Variants in TNPO2 observed in about 807,000 individuals in gnomAD.
TNPO2 encodes transportin-2.
A neutral mutation model predicts 111.1 loss-of-function variants in TNPO2; 16 were observed. The ratio of observed to expected loss-of-function variants is 0.14; its 90% confidence interval spans 0.10 to 0.22. The LOEUF is 0.22. Ranked by LOEUF, TNPO2 falls within the 10% of genes least tolerant of loss-of-function variation. TNPO2 has a pLI of 1.00. For synonymous variants in TNPO2, 481 were observed against 475.8 expected (o/e 1.01, Z -0.14); for missense variants, 530 against 1,173.7 (o/e 0.45, Z 8.01).
In TNPO2 at chr19:12,715,512, G is replaced by A. The variant is rs977071478; in HGVS notation, c.459C>T (p.Ile153=). 1 of 1,613,826 alleles carries A rather than the reference G, an allele frequency of 6.2e-7. No individual in the cohort carries two copies. Among genetic ancestry groups the A allele is most frequent in the African/African-American group, 1.3e-5 (1 of 74,900 alleles). The change falls in exon 7 of 26, where the codon ATC becomes ATT. Residue 153 remains isoleucine, a synonymous_variant. Transcript: ENST00000425528. The surrounding 1 kb of genome is among the most constrained non-coding windows in gnomAD (Gnocchi z 7.1). The stretch of plus-strand genomic sequence containing the variant: ...CCAGAAGCTCTGATGAGTCTTCACA[G>A]ATCTTCTGCAGGGCTCCAAAGGCTC... ...CEGAFGALQK[I]CEDSSELLDS... is the part of the protein sequence containing the mutation.
At chr19:12,713,904 C>A (rs2026213790) in intron 10 of TNPO2, among the ~76,000 whole-genome samples, 1 of 151,948 alleles carries the variant, frequency 6.6e-6, no homozygotes, top group African/African-American at 2.4e-5. Flanking sequence ...GTGGGATGTG[C>A]CTGTAATCCC....
chr19:12,704,246 G>C (rs753753930), intron 18 of TNPO2, among the ~76,000 whole-genome samples: 7 of 152,152 alleles, frequency 4.6e-5, no homozygotes, highest in Non-Finnish European at 8.8e-5. Context: ...GGACACGCCT[G>C]TAGTCCCAGC....
In TNPO2 at chr19:12,715,202, C is replaced by T. The variant is rs1203588047; in HGVS notation, c.649-33G>A. The T allele has an allele frequency of 1.2e-6, 2 of 1,613,766 alleles. No homozygotes were observed. The highest frequency in any genetic ancestry group is 4.5e-5 in the East Asian group (2 of 44,880). On this transcript the variant is annotated intron_variant, in intron 8 of 25. Coordinates refer to ENST00000425528, the MANE Select transcript of TNPO2 (RefSeq NM_001382241.1). This position sits in a 1 kb window ranked among gnomAD's most constrained non-coding sequence, Gnocchi z 7.1. The stretch of plus-strand genomic sequence containing the variant: ...GAGGAACAGGGTCAGTTGTAGGGGC[C>T]CTCAGTCCTCGCCCTGCCCACCCCC...
In TNPO2 at chr19:12,703,703, G is replaced by T. The variant is rs749625985; in HGVS notation, c.2110+11C>A. Reference sequence around the variant, plus strand: ...TGGGGTCATGGGTTAGGGACAAGGCGAGTGTCGTACCGATACAGGGCTTGA... The same window carrying T: ...TGGGGTCATGGGTTAGGGACAAGGCTAGTGTCGTACCGATACAGGGCTTGA... On this transcript the variant is annotated intron_variant, in intron 19 of 25. Coordinates refer to ENST00000425528, the MANE Select transcript of TNPO2 (RefSeq NM_001382241.1). 1.9e-6 allele frequency: 3 copies of T among 1,606,492 alleles called. No homozygotes were observed. The highest frequency in any genetic ancestry group is 2.6e-6 in the Non-Finnish European group (3 of 1,176,346).
In TNPO2 at chr19:12,705,831, C is replaced by T. The variant is rs1268247933; in HGVS notation, c.1669-63G>A. On this transcript the variant is annotated intron_variant, in intron 15 of 25. Coordinates refer to ENST00000425528, the MANE Select transcript of TNPO2 (RefSeq NM_001382241.1). The surrounding 1 kb of genome is among the most constrained non-coding windows in gnomAD (Gnocchi z 7.2). ...GGGTGGCAGACTGTGACTCAGGTAC[C>T]TGTTGCCCGAGTGATGAGGCCTGAG... 11 of 1,239,040 alleles carry T rather than the reference C, an allele frequency of 8.9e-6. No individual in the cohort carries two copies. The highest frequency in any genetic ancestry group is 1.2e-5 in the Non-Finnish European group (11 of 908,424). The allele number at this position is 1,239,040 out of a possible 1,614,324, so 76.8% of individuals were successfully genotyped here.
chr19:12,704,388 G>A (rs1288813453), intron 18 of TNPO2, among the ~76,000 whole-genome samples: 2 of 151,730 alleles, frequency 1.3e-5, no homozygotes, highest in Non-Finnish European at 2.9e-5. Context: ...GTGGGGGGCG[G>A]TGGGGGGGGC....
In TNPO2 at chr19:12,702,798, G is replaced by A. The variant is rs759806682; in HGVS notation, c.2305+25C>T. ...CCTCCAGAAGGCAGGCAGGGGTGCA[G>A]GCAGCAGCCGGGCCAGGTGCCCACC... On this transcript the variant is annotated intron_variant, in intron 21 of 25. Coordinates refer to ENST00000425528, the MANE Select transcript of TNPO2 (RefSeq NM_001382241.1). This position sits in a 1 kb window ranked among gnomAD's most constrained non-coding sequence, Gnocchi z 5.5. 21 of 1,607,828 alleles carry A rather than the reference G, an allele frequency of 1.3e-5. No individual in the cohort carries two copies. Among genetic ancestry groups the A allele is most frequent in the Non-Finnish European group, 1.7e-5 (20 of 1,174,582 alleles).
At chr19:12,720,758 C>A in intron 3 of TNPO2, 121 bp downstream of exon 3, 1 of 1,258,210 alleles carries the variant, frequency 7.9e-7, no homozygotes. Flanking sequence ...CAGGGCAGAT[C>A]CTCCGCACAG....
In TNPO2 at chr19:12,721,282, G is replaced by C. The variant is rs977985028; in HGVS notation, c.-13-292C>G. On this transcript the variant is annotated intron_variant, in intron 2 of 25. Coordinates refer to ENST00000425528, the MANE Select transcript of TNPO2 (RefSeq NM_001382241.1). The surrounding 1 kb of genome is among the most constrained non-coding windows in gnomAD (Gnocchi z 4.9). ...ACCCAGCGAAGAGCCCTCGTCCCAG[G>C]GTGGCCCATGCCGCTGACCCCGGCT... 127 of 1,296,370 alleles carry C rather than the reference G, an allele frequency of 9.8e-5. No homozygotes were observed. Among genetic ancestry groups the C allele is most frequent in the Non-Finnish European group, 1.2e-4 (123 of 1,012,200 alleles). 80.3% of individuals were successfully genotyped at this position (1,296,370 alleles called of 1,614,324 possible).
chr19:12,707,246 C>A (rs1472820039), intron 13 of TNPO2, among the ~76,000 whole-genome samples: 2 of 152,210 alleles, frequency 1.3e-5, no homozygotes, highest in South Asian at 4.1e-4. Flanking sequence ...ATCCACCCGC[C>A]CTGGCCTCCC....
Position 12,715,878 on chromosome 19 carries a change from T to C in TNPO2, c.326-139A>G. On this transcript the variant is annotated intron_variant, in intron 5 of 25. Coordinates refer to ENST00000425528, the MANE Select transcript of TNPO2 (RefSeq NM_001382241.1). The surrounding 1 kb of genome is among the most constrained non-coding windows in gnomAD (Gnocchi z 7.1). ...CTCTACATCCCCCCTCCTTTTTTTT[T>C]TCTTTGTAAGAGATAGAATTAGCTC... The C allele has an allele frequency of 1.5e-6, 1 of 668,860 alleles. No individual in the cohort carries two copies. The highest frequency in any genetic ancestry group is 2.7e-5 in the East Asian group (1 of 36,574). 41.4% of individuals were successfully genotyped at this position (668,860 alleles called of 1,614,324 possible).
Position 12,719,557 on chromosome 19 carries a change from G to C in TNPO2, c.100-221C>G, listed in dbSNP as rs2026553147. ...ACGCCTGTAATCCCAGCACTTTTTG[G>C]GAGGTCAAGGCGGGTGGATCACAAG... On this transcript the variant is annotated intron_variant, in intron 3 of 25. Coordinates refer to ENST00000425528, the MANE Select transcript of TNPO2 (RefSeq NM_001382241.1). This position sits in a 1 kb window ranked among gnomAD's most constrained non-coding sequence, Gnocchi z 5.0. Among the ~76,000 whole-genome samples the C allele has an allele frequency of 6.6e-6, 1 of 152,126 alleles. No individual in the cohort carries two copies. Among genetic ancestry groups the C allele is most frequent in the African/African-American group, 2.4e-5 (1 of 41,432 alleles).
intron 10 of TNPO2, among the ~76,000 whole-genome samples, chr19:12,713,600 G>A (rs2026191573): frequency 6.6e-6 from 1 of 152,196 alleles, no homozygotes; most frequent in African/African-American, 2.4e-5. Context: ...CACAAGGTCA[G>A]GAAGCTGAGG....
At chr19:12,712,636 G>C (rs1403556454) in intron 10 of TNPO2, among the ~76,000 whole-genome samples, 3 of 152,188 alleles carry the variant, frequency 2.0e-5, no homozygotes, top group Non-Finnish European at 4.4e-5. Context: ...CTGCCAGGCA[G>C]GGAAGGGCCC....
rs1290972874 is a variant in TNPO2, at chr19:12,721,348, G to T, written c.-13-358C>A. The T allele has an allele frequency of 8.0e-7, 1 of 1,249,754 alleles. No homozygotes were observed. Among genetic ancestry groups the T allele is most frequent in the East Asian group, 5.8e-5 (1 of 17,328 alleles). 77.4% of individuals were successfully genotyped at this position (1,249,754 alleles called of 1,614,324 possible). The stretch of plus-strand genomic sequence containing the variant: ...TCCACCTCCCTCGCAGCGGCTGGGC[G>T]AGGGCCCAGCCGCCTCCACATCCAG... On this transcript the variant is annotated intron_variant, in intron 2 of 25. Transcript: ENST00000425528. The surrounding 1 kb of genome is among the most constrained non-coding windows in gnomAD (Gnocchi z 4.9).
chr19:12,702,748 A>C lies in TNPO2; in HGVS notation c.2305+75T>G, dbSNP rs1222389749. 1 of 1,369,276 alleles carries C rather than the reference A, an allele frequency of 7.3e-7. No individual in the cohort carries two copies. The highest frequency in any genetic ancestry group is 1.0e-6 in the Non-Finnish European group (1 of 965,424). The allele number at this position is 1,369,276 out of a possible 1,614,324, so 84.8% of individuals were successfully genotyped here. ...TGGTTCCTTGACAAGGCTCTTTCTG[A>C]TGCCCTTCCCAGCCCAGAACCCCAC... On this transcript the variant is annotated intron_variant, in intron 21 of 25. Coordinates refer to ENST00000425528, the MANE Select transcript of TNPO2 (RefSeq NM_001382241.1). This position sits in a 1 kb window ranked among gnomAD's most constrained non-coding sequence, Gnocchi z 5.5.
chr19:12,717,212 A>G (rs1442966995), intron 5 of TNPO2, among the ~76,000 whole-genome samples: 1 of 150,876 alleles, frequency 6.6e-6, no homozygotes, highest in Non-Finnish European at 1.5e-5. Context: ...AGCCCTCAGA[A>G]GAGATAAAGA....
chr19:12,715,816 C>T lies in TNPO2; in HGVS notation c.326-77G>A, dbSNP rs1165207801. The stretch of plus-strand genomic sequence containing the variant: ...CACCTCCCCCTCCCACTGGACACCC[C>T]CAGTGCTGCCTTTCTGTTCCCTAGC... On this transcript the variant is annotated intron_variant, in intron 5 of 25. Coordinates refer to ENST00000425528, the MANE Select transcript of TNPO2 (RefSeq NM_001382241.1). The surrounding 1 kb of genome is among the most constrained non-coding windows in gnomAD (Gnocchi z 7.1). 1.7e-6 allele frequency: 2 copies of T among 1,173,978 alleles called. No homozygotes were observed. Among genetic ancestry groups the T allele is most frequent in the Non-Finnish European group, 2.4e-6 (2 of 818,346 alleles). 72.7% of individuals were successfully genotyped at this position (1,173,978 alleles called of 1,614,324 possible). A position where few individuals can be genotyped will look rare whatever the true frequency, so the allele number is the denominator to read the frequency against.
At chr19:12,714,563 C>T (rs546331955) in intron 10 of TNPO2, among the ~76,000 whole-genome samples, 16 of 152,194 alleles carry the variant, frequency 1.1e-4, no homozygotes, top group African/African-American at 2.4e-4. Context: ...CTGCCCGCCT[C>T]GGCCTCCCAA....
Sources: gnomAD v4.1 joint callset for allele counts (sites outside exome capture counted in the v4.1 genomes callset) on GRCh38, gnomAD v4.1.1 for gene constraint, Gnocchi (gnomAD v3.1) non-coding constraint, MANE v1.5 for transcripts, NCBI Gene and HGNC (gene_info 2026-07-23, HGNC 2026-07-21) for gene names.